Variants in CSMD1 observed in about 807,000 individuals in gnomAD.
The protein encoded by CSMD1 is CUB and Sushi multiple domains 1.
A neutral mutation model predicts 417.5 loss-of-function variants in CSMD1; 213 were observed. The observed-to-expected ratio is 0.51, with a 90% CI of 0.46 to 0.57. CSMD1 has a LOEUF of 0.57. Among genes scored for constraint, CSMD1 ranks in the 20% least tolerant of loss-of-function variants. The pLI, the probability that CSMD1 is intolerant of heterozygous loss-of-function variation, is 0.00. For synonymous variants in CSMD1, 2,862 were observed against 1,736.8 expected (o/e 1.65, Z -16.11); for missense variants, 6,923 against 4,529.7 (o/e 1.53, Z -15.17).
intron 6 of CSMD1, among the ~76,000 whole-genome samples, chr8:3,711,116 G>C (rs940188225): frequency 2.0e-5 from 3 of 152,156 alleles, no homozygotes; most frequent in Non-Finnish European, 4.4e-5. Context: ...TTCCCCAAAA[G>C]ACAGCACTTC....
chr8:3,837,204 T>A (rs535379516), intron 5 of CSMD1, among the ~76,000 whole-genome samples: 2 of 152,184 alleles, frequency 1.3e-5, no homozygotes, highest in Non-Finnish European at 2.9e-5. Flanking sequence ...AAAGAAAACA[T>A]TGGCCAATTA....
At chr8:4,322,872 C>G (rs576837152) in intron 3 of CSMD1, among the ~76,000 whole-genome samples, 5 of 152,208 alleles carry the variant, frequency 3.3e-5, no homozygotes, top group African/African-American at 1.2e-4. Flanking sequence ...GTAGTCCCAG[C>G]TACTCAGGAG....
chr8:4,545,575 T>C (rs1462481180), intron 2 of CSMD1, among the ~76,000 whole-genome samples: 2 of 152,170 alleles, frequency 1.3e-5, no homozygotes, highest in African/African-American at 4.8e-5. Flanking sequence ...GTTCTTTGGG[T>C]CACAGTGATA....
intron 26 of CSMD1, among the ~76,000 whole-genome samples, chr8:3,239,370 G>A (rs1799351448): frequency 6.9e-6 from 1 of 144,334 alleles, no homozygotes; most frequent in Non-Finnish European, 1.6e-5. Context: ...AGGCTAAACT[G>A]AAGAATTATG....
At chr8:4,644,772 C>T (rs974218948) in intron 1 of CSMD1, among the ~76,000 whole-genome samples, 3 of 152,202 alleles carry the variant, frequency 2.0e-5, no homozygotes, top group Admixed American at 1.3e-4. Context: ...TACTTGCTTA[C>T]GCATTGATGA....
intron 1 of CSMD1, among the ~76,000 whole-genome samples, chr8:4,805,618 A>G (rs1798543900): frequency 1.3e-5 from 2 of 152,352 alleles, no homozygotes; most frequent in South Asian, 2.1e-4. Flanking sequence ...TGCTACATAC[A>G]TTAAATTACC....
At chr8:3,366,909 A>G in intron 20 of CSMD1, 123 bp downstream of exon 20, 1 of 782,046 alleles carries the variant, frequency 1.3e-6, no homozygotes, top group Admixed American at 2.2e-5. Context: ...GAATCAAGTC[A>G]CGCATGTACA....
chr8:4,594,600 C>A (rs745892419), intron 2 of CSMD1, among the ~76,000 whole-genome samples: 1 of 152,112 alleles, frequency 6.6e-6, no homozygotes, highest in African/African-American at 2.4e-5. Flanking sequence ...TAACCCATAA[C>A]AGGAAACAAG....
intron 3 of CSMD1, among the ~76,000 whole-genome samples, chr8:4,046,719 C>G (rs1374891281): frequency 6.6e-6 from 1 of 152,160 alleles, no homozygotes; most frequent in South Asian, 2.1e-4. Flanking sequence ...TTTAAATGAC[C>G]TAATGATTTA....
intron 8 of CSMD1, among the ~76,000 whole-genome samples, chr8:3,588,949 A>T (rs760102998): frequency 1.1e-4 from 16 of 152,152 alleles, no homozygotes; most frequent in Non-Finnish European, 2.2e-4. Flanking sequence ...TAAAGAAGAC[A>T]TAAAAACGAC....
chr8:3,558,409 A>ATGGTG (rs1563152352), intron 10 of CSMD1, among the ~76,000 whole-genome samples: 2 of 145,892 alleles, frequency 1.4e-5, no homozygotes, highest in Non-Finnish European at 3.1e-5. Flanking sequence ...CCAATGATGA[A>ATGGTG]CGGTGCCTCA....
chr8:4,158,985 A>G (rs1192131505), intron 3 of CSMD1, among the ~76,000 whole-genome samples: 3 of 152,076 alleles, frequency 2.0e-5, no homozygotes, highest in Non-Finnish European at 4.4e-5. Context: ...GCACAATCTC[A>G]GCTCACCACA....
chr8:2,969,133 A>G (rs1363663957), intron 57 of CSMD1, among the ~76,000 whole-genome samples: 3 of 152,180 alleles, frequency 2.0e-5, no homozygotes, highest in East Asian at 1.9e-4. Flanking sequence ...TGAGTATTAT[A>G]AAAATACTTA....
chr8:4,602,029 G>A (rs1343137997), intron 2 of CSMD1, among the ~76,000 whole-genome samples: 1 of 152,084 alleles, frequency 6.6e-6, no homozygotes, highest in Non-Finnish European at 1.5e-5. Flanking sequence ...TTGCTAGCAG[G>A]CATTCCCCAA....
intron 5 of CSMD1, among the ~76,000 whole-genome samples, chr8:3,945,285 G>C (rs901880779): frequency 6.6e-6 from 1 of 151,100 alleles, no homozygotes; most frequent in Non-Finnish European, 1.5e-5. Context: ...CATGTAAATT[G>C]AAATAATCAC....
chr8:4,828,345 A>C (rs1799952268), intron 1 of CSMD1, among the ~76,000 whole-genome samples: 1 of 152,218 alleles, frequency 6.6e-6, no homozygotes, highest in Admixed American at 6.5e-5. Context: ...ATAAGGTAGC[A>C]TAAGCCCAAT....
chr8:3,350,594 G>A (rs1397041468), intron 21 of CSMD1, among the ~76,000 whole-genome samples: 1 of 152,080 alleles, frequency 6.6e-6, no homozygotes, highest in Non-Finnish European at 1.5e-5. Context: ...TAAAACTGGA[G>A]TAACACAAGT....
chr8:4,176,063 C>G (rs888233415), intron 3 of CSMD1, among the ~76,000 whole-genome samples: 2 of 152,076 alleles, frequency 1.3e-5, no homozygotes, highest in Non-Finnish European at 2.9e-5. Flanking sequence ...AAAAGTGTGA[C>G]TTAGATGTGG....
chr8:4,078,896 A>AATATATATATAT (rs1173719388), intron 3 of CSMD1, among the ~76,000 whole-genome samples: 7 of 43,528 alleles, frequency 1.6e-4, no homozygotes, highest in Non-Finnish European at 2.4e-4. Context: ...AATAATAATA[A>AATATATATATAT]ATATATATAT....
Sources: allele counts gnomAD v4.1 joint callset (sites outside exome capture counted in the v4.1 genomes callset), GRCh38; gene constraint gnomAD v4.1.1; transcripts MANE v1.5; gene names NCBI Gene and HGNC (gene_info 2026-07-23, HGNC 2026-07-21).